The following PIK3CG variants were observed in gnomAD, a reference collection of about 807,000 sequenced individuals.
PIK3CG encodes phosphatidylinositol-4,5-bisphosphate 3-kinase catalytic subunit gamma.
PIK3CG carries 55 observed loss-of-function variants against 102.3 expected under a neutral mutation model. That is an observed-to-expected ratio of 0.54 (90% CI 0.43 to 0.67). The LOEUF is 0.67. PIK3CG is among the 30% of genes least tolerant of loss of function. The pLI is 0.00. For synonymous variants in PIK3CG, 552 were observed against 540.0 expected (o/e 1.02, Z -0.31); for missense variants, 1,258 against 1,391.8 (o/e 0.90, Z 1.53).
Position 106,874,827 on chromosome 7 carries a change from A to G in PIK3CG, c.2391+24A>G, listed in dbSNP as rs1037828473. ...CAGTAGGTATCACTTGGATGTCTCC[A>G]TGTGGTCTTTATGTCTTGAAGATGT... On this transcript the variant is annotated intron_variant, in intron 5 of 10. Coordinates refer to ENST00000496166, the MANE Select transcript of PIK3CG (RefSeq NM_001282426.2). This position sits in a 1 kb window ranked among gnomAD's most constrained non-coding sequence, Gnocchi z 4.3. 10 of 1,477,580 alleles carry G rather than the reference A, an allele frequency of 6.8e-6. No individual in the cohort carries two copies. The highest frequency in any genetic ancestry group is 8.5e-6 in the Non-Finnish European group (9 of 1,057,690). The allele number at this position is 1,477,580 out of a possible 1,614,324, so 91.5% of individuals were successfully genotyped here.
intron 9 of PIK3CG, among the ~76,000 whole-genome samples, chr7:106,885,491 G>A (rs1336454239): frequency 6.6e-6 from 1 of 152,082 alleles, no homozygotes; most frequent in African/African-American, 2.4e-5. Context: ...TCTGGAAAAG[G>A]CATCAGATGG....
In PIK3CG at chr7:106,869,203, C is replaced by A. The variant is rs2116460316; in HGVS notation, c.1642C>A (p.Pro548Thr). The change falls in exon 2 of 11, where the codon CCC becomes ACC. Residue 548 changes from proline (P) to threonine (T), a missense_variant. Coordinates refer to ENST00000496166, the MANE Select transcript of PIK3CG (RefSeq NM_001282426.2). This position sits in a 1 kb window ranked among gnomAD's most constrained non-coding sequence, Gnocchi z 5.3. Reference sequence around the variant, plus strand: ...AGGGGACCGGGTTCGAGCAGAAATGCCCAACCAGCTTCGCAAGCAATTGGA... The same window carrying A: ...AGGGGACCGGGTTCGAGCAGAAATGACCAACCAGCTTCGCAAGCAATTGGA... Reference protein sequence around the residue: ...PEGDRVRAEMPNQLRKQLEAI... With the variant: ...PEGDRVRAEMTNQLRKQLEAI... 1 of 1,614,204 alleles carries A rather than the reference C, an allele frequency of 6.2e-7. No individual in the cohort carries two copies. The highest frequency in any genetic ancestry group is 8.5e-7 in the Non-Finnish European group (1 of 1,180,046).
rs1791258200 is a variant in PIK3CG, at chr7:106,891,347, G to A, written c.3030+5055G>A. ...GAGGCAGGTTAACATGCGTACATTG[G>A]ATGAGGAACTAAATCCAACTGTGAA... On this transcript the variant is annotated intron_variant, in intron 10 of 10. Transcript: ENST00000496166. This position sits in a 1 kb window ranked among gnomAD's most constrained non-coding sequence, Gnocchi z 4.4. Among the ~76,000 whole-genome samples the A allele has an allele frequency of 6.6e-6, 1 of 152,174 alleles. No individual in the cohort carries two copies. The highest frequency in any genetic ancestry group is 6.5e-5 in the Admixed American group (1 of 15,268).
At chr7:106,878,954 T>G (rs1790851417) in intron 5 of PIK3CG, among the ~76,000 whole-genome samples, 1 of 152,230 alleles carries the variant, frequency 6.6e-6, no homozygotes, top group South Asian at 2.1e-4. Context: ...AGTGAGTAAC[T>G]GCCAAGCCAC....
At position 106,893,177 on chromosome 7, in the gene PIK3CG, G is replaced by T. The variant is rs1256642176; in HGVS notation, c.3030+6885G>T. On this transcript the variant is annotated intron_variant, in intron 10 of 10. Coordinates refer to ENST00000496166, the MANE Select transcript of PIK3CG (RefSeq NM_001282426.2). This position sits in a 1 kb window ranked among gnomAD's most constrained non-coding sequence, Gnocchi z 4.4. The stretch of plus-strand genomic sequence containing the variant: ...CCCATAATGTACTGAGCTGATAAAG[G>T]ATTCCGTCTTGGGATCTGCACCCCG... 3.3e-5 allele frequency among the ~76,000 whole-genome samples: 5 copies of T among 152,110 alleles called. No individual in the cohort carries two copies. Among genetic ancestry groups the T allele is most frequent in the African/African-American group, 9.7e-5 (4 of 41,420 alleles).
Position 106,868,507 on chromosome 7 carries a change from G to C in PIK3CG, c.946G>C (p.Asp316His), listed in dbSNP as rs147267699. 1.2e-6 allele frequency: 2 copies of C among 1,614,028 alleles called. No individual in the cohort carries two copies. The highest frequency in any genetic ancestry group is 2.7e-5 in the African/African-American group (2 of 74,934). Residue 316 changes from aspartate (D) to histidine (H), a missense_variant, in exon 2 of 11, where the codon GAC (aspartate) becomes CAC (histidine). Physicochemically the swap from Asp to His is moderately conservative, Grantham distance 81. Coordinates refer to ENST00000496166, the MANE Select transcript of PIK3CG (RefSeq NM_001282426.2). The surrounding 1 kb of genome is among the most constrained non-coding windows in gnomAD (Gnocchi z 6.2). ...VLDTPPDPAL[D>H]EVRKEEWPLV... ...GGACACGCCTCCAGACCCGGCCCTA[G>C]ACGAGGTGAGGAAGGAAGAGTGGCC...
chr7:106,897,531 C>T lies in PIK3CG; in HGVS notation c.3031-7578C>T, dbSNP rs537232009. On this transcript the variant is annotated intron_variant, in intron 10 of 10. Coordinates refer to ENST00000496166, the MANE Select transcript of PIK3CG (RefSeq NM_001282426.2). The surrounding 1 kb of genome is among the most constrained non-coding windows in gnomAD (Gnocchi z 4.6). Reference sequence around the variant, plus strand: ...TCTTTTTTGCTCCTCTCCCTCCTCTCATTCTCTCCCCTCAAGTAGATCCCA... The same window carrying T: ...TCTTTTTTGCTCCTCTCCCTCCTCTTATTCTCTCCCCTCAAGTAGATCCCA... Among the ~76,000 whole-genome samples, 1 of 152,148 alleles carries T rather than the reference C, an allele frequency of 6.6e-6. No homozygotes were observed. The highest frequency in any genetic ancestry group is 2.4e-5 in the African/African-American group (1 of 41,420).
rs1030920538 is a variant in PIK3CG at position 106,884,923 on chromosome 7, C to T, written c.2872+657C>T. Reference sequence around the variant, plus strand: ...CTCAGATCATCAGGCATTAGATTCTCATAAGGGGTGCACAGTCTAGATCTT... The same window carrying T: ...CTCAGATCATCAGGCATTAGATTCTTATAAGGGGTGCACAGTCTAGATCTT... On this transcript the variant is annotated intron_variant, in intron 9 of 10. Transcript: ENST00000496166. The surrounding 1 kb of genome is among the most constrained non-coding windows in gnomAD (Gnocchi z 4.2). 2.0e-5 allele frequency among the ~76,000 whole-genome samples: 3 copies of T among 152,178 alleles called. No homozygotes were observed. Among genetic ancestry groups the T allele is most frequent in the African/African-American group, 7.2e-5 (3 of 41,432 alleles).
chr7:106,883,324 G>A lies in PIK3CG; in HGVS notation c.2760+161G>A, dbSNP rs577279300. Among the ~76,000 whole-genome samples, 24 of 152,258 alleles carry A rather than the reference G, an allele frequency of 1.6e-4. No homozygotes were observed. In the South Asian group the frequency reaches 2.1e-3, roughly 13 times the overall value. On this transcript the variant is annotated intron_variant, in intron 8 of 10. Transcript: ENST00000496166. The surrounding 1 kb of genome is among the most constrained non-coding windows in gnomAD (Gnocchi z 5.8). ...TAATGGAGGTTTTAAGTACCCTCCC[G>A]TGGTGACAGCATATCTGTGTGAAAC...
At position 106,885,995 on chromosome 7, in the gene PIK3CG, C is replaced by T. The variant is rs182916610; in HGVS notation, c.2873-140C>T. ...TACGACTTTCACACACCTGCTAAGA[C>T]GAAAAATATCACAAACTGACAAACA... On this transcript the variant is annotated intron_variant, in intron 9 of 10. Coordinates refer to ENST00000496166, the MANE Select transcript of PIK3CG (RefSeq NM_001282426.2). 264 of 736,132 alleles carry T rather than the reference C, an allele frequency of 3.6e-4. No homozygotes were observed. The African/African-American group carries it at 3.8e-3, about 11-fold the overall frequency. 45.6% of individuals were successfully genotyped at this position (736,132 alleles called of 1,614,324 possible).
chr7:106,882,069 TAA>T (rs1214182458), intron 6 of PIK3CG, 46 bp from the exon 7 acceptor site: 5 of 770,952 alleles, frequency 6.5e-6, no homozygotes, highest in African/African-American at 1.8e-5. Context: ...AAAAATATAT[TAA>T]GTTAATATAT....
At position 106,879,731 on chromosome 7, in the gene PIK3CG, T is replaced by C. The variant is rs1417438658; in HGVS notation, c.2538+66T>C. 1 of 1,172,948 alleles carries C rather than the reference T, an allele frequency of 8.5e-7. No individual in the cohort carries two copies. The highest frequency in any genetic ancestry group is 1.3e-6 in the Non-Finnish European group (1 of 797,658). The allele number at this position is 1,172,948 out of a possible 1,614,324, so 72.7% of individuals were successfully genotyped here. A position where few individuals can be genotyped will look rare whatever the true frequency, so the allele number is the denominator to read the frequency against. ...ATTCTATATTACATCAAAAACATGC[T>C]TTCTCCTACTGGCTCTATTCCCACT... On this transcript the variant is annotated intron_variant, in intron 6 of 10. Transcript: ENST00000496166. This position sits in a 1 kb window ranked among gnomAD's most constrained non-coding sequence, Gnocchi z 4.9.
chr7:106,887,754 C>CA (rs1034498204), intron 10 of PIK3CG, among the ~76,000 whole-genome samples: 18 of 149,626 alleles, frequency 1.2e-4, no homozygotes, highest in East Asian at 7.8e-4. Flanking sequence ...GAAATGGTTC[C>CA]AAAAAAAAAG....
At chr7:106,888,706 G>A (rs1013056833) in intron 10 of PIK3CG, among the ~76,000 whole-genome samples, 9 of 152,170 alleles carry the variant, frequency 5.9e-5, no homozygotes, top group African/African-American at 1.7e-4. Context: ...TTAAACATAC[G>A]TGTTAAGCAT....
chr7:106,888,948 A>T (rs1791196004), intron 10 of PIK3CG, among the ~76,000 whole-genome samples: 1 of 152,268 alleles, frequency 6.6e-6, no homozygotes, highest in South Asian at 2.1e-4. Context: ...GGGATTACTT[A>T]AATGAAATAT....
In PIK3CG at chr7:106,872,705, GC is replaced by G; in HGVS notation, c.2062-5del. ...TAATAATTTCAACTTTCTTGTACCTGCCCTCAGAACAAAAGAATTGGTCACT... is the reference window on the plus strand; with the variant it reads ...TAATAATTTCAACTTTCTTGTACCTGCCTCAGAACAAAAGAATTGGTCACT... On this transcript the variant is annotated splice_region_variant and splice_polypyrimidine_tract_variant and intron_variant, in intron 3 of 10. Transcript: ENST00000496166. The surrounding 1 kb of genome is among the most constrained non-coding windows in gnomAD (Gnocchi z 5.3). 6.2e-7 allele frequency: 1 copy of G among 1,610,896 alleles called. No individual in the cohort carries two copies. The highest frequency in any genetic ancestry group is 1.1e-5 in the South Asian group (1 of 91,004).
chr7:106,901,506 T>C (rs1327625496), intron 10 of PIK3CG, among the ~76,000 whole-genome samples: 2 of 152,234 alleles, frequency 1.3e-5, no homozygotes, highest in South Asian at 4.1e-4. Context: ...TTTGCCATCC[T>C]CCTGAATCTC....
chr7:106,878,257 C>T lies in PIK3CG; in HGVS notation c.2392-1262C>T, dbSNP rs775191375. On this transcript the variant is annotated intron_variant, in intron 5 of 10. Coordinates refer to ENST00000496166, the MANE Select transcript of PIK3CG (RefSeq NM_001282426.2). ...TATCTTTGATTGTGTCTGCATAATA[C>T]GTCTTTTTCCCCAGGCTGTTTTTAA... 1.1e-3 allele frequency among the ~76,000 whole-genome samples: 171 copies of T among 152,152 alleles called. 1 individual carries two copies. Among genetic ancestry groups the T allele is most frequent in the Non-Finnish European group, 1.4e-3 (96 of 68,002 alleles).
rs1790792492 is a variant in PIK3CG, at chr7:106,877,594, CACCATGTGTT to C, written c.2392-1924_2392-1915del. Among the ~76,000 whole-genome samples, 1 of 151,580 alleles carries C rather than the reference CACCATGTGTT, an allele frequency of 6.6e-6. No homozygotes were observed. The highest frequency in any genetic ancestry group is 2.4e-5 in the African/African-American group (1 of 41,266). On this transcript the variant is annotated intron_variant, in intron 5 of 10. Coordinates refer to ENST00000496166, the MANE Select transcript of PIK3CG (RefSeq NM_001282426.2). The surrounding 1 kb of genome is among the most constrained non-coding windows in gnomAD (Gnocchi z 4.5). ...AAATATGAATATCCAGATTTTTCAG[CACCATGTGTT>C]GAAAAGACTGTTTTGTTTTGTTTTG...
Sources: allele counts gnomAD v4.1 joint callset (sites outside exome capture counted in the v4.1 genomes callset), GRCh38; gene constraint gnomAD v4.1.1; non-coding constraint Gnocchi (gnomAD v3.1); transcripts MANE v1.5; gene names NCBI Gene and HGNC (gene_info 2026-07-23, HGNC 2026-07-21).